The following HEMK2 variants were observed in gnomAD, a reference collection of about 807,000 sequenced individuals.
HEMK2 encodes the protein methyltransferase HEMK2.
the HEMK2 span, among the ~76,000 whole-genome samples, chr21:28,764,960 T>C: frequency 8.5e-5 from 13 of 152,148 alleles, no homozygotes; most frequent in Admixed American, 2.0e-4. Context: ...TGGCATTTAA[T>C]CTCTTGTGTG....
chr21:28,876,678 A>G, the HEMK2 span, among the ~76,000 whole-genome samples: 6 of 152,292 alleles, frequency 3.9e-5, no homozygotes, highest in South Asian at 4.1e-4. Flanking sequence ...TGGTATTTTC[A>G]AAGTGTTGCT....
chr21:28,774,758 A>G, the HEMK2 span, among the ~76,000 whole-genome samples: 5 of 152,196 alleles, frequency 3.3e-5, no homozygotes, highest in African/African-American at 1.2e-4. Context: ...CCTATTTCAA[A>G]TCTATTTTTG....
At chr21:28,604,695 G>T in the HEMK2 span, among the ~76,000 whole-genome samples, 1 of 152,184 alleles carries the variant, frequency 6.6e-6, no homozygotes, top group African/African-American at 2.4e-5. Context: ...ATATGATAAA[G>T]AATATTTTCA....
chr21:28,673,189 G>T, the HEMK2 span, among the ~76,000 whole-genome samples: 1 of 151,392 alleles, frequency 6.6e-6, no homozygotes, highest in Admixed American at 6.6e-5. Flanking sequence ...GGGGAAGGGA[G>T]AGAAAGAAAA....
chr21:28,687,253 A>C, the HEMK2 span, among the ~76,000 whole-genome samples: 2 of 152,236 alleles, frequency 1.3e-5, no homozygotes, highest in East Asian at 3.8e-4. Context: ...AAGCTGAACC[A>C]TGGCAATGGC....
At chr21:28,580,312 G>A in the HEMK2 span, among the ~76,000 whole-genome samples, 1 of 152,140 alleles carries the variant, frequency 6.6e-6, no homozygotes, top group South Asian at 2.1e-4. Flanking sequence ...ACGGGGCCCA[G>A]AGAGTTGGGC....
chr21:28,878,449 G>GA, the HEMK2 span: 1 of 1,131,614 alleles, frequency 8.8e-7, no homozygotes, highest in Non-Finnish European at 1.3e-6. Flanking sequence ...TTTTACTGCT[G>GA]ACGAAGGAGC....
chr21:28,719,121 C>T, the HEMK2 span, among the ~76,000 whole-genome samples: 1 of 152,120 alleles, frequency 6.6e-6, no homozygotes, highest in African/African-American at 2.4e-5. Context: ...CTTTTATGGG[C>T]TCTCATCTTT....
the HEMK2 span, among the ~76,000 whole-genome samples, chr21:28,794,165 T>C: frequency 6.6e-6 from 1 of 152,194 alleles, no homozygotes; most frequent in Non-Finnish European, 1.5e-5. Context: ...AATATACATA[T>C]AAATTCATTG....
the HEMK2 span, among the ~76,000 whole-genome samples, chr21:28,693,429 C>A: frequency 2.0e-5 from 3 of 152,086 alleles, no homozygotes; most frequent in African/African-American, 7.2e-5. Flanking sequence ...TTCAACCTAA[C>A]AAGGATTCAC....
chr21:28,724,622 A>C, the HEMK2 span, among the ~76,000 whole-genome samples: 1 of 152,212 alleles, frequency 6.6e-6, no homozygotes, highest in African/African-American at 2.4e-5. Flanking sequence ...ATAATAACAG[A>C]GCGCCAGCAA....
the HEMK2 span, among the ~76,000 whole-genome samples, chr21:28,638,673 T>C: frequency 6.6e-6 from 1 of 152,192 alleles, no homozygotes; most frequent in Non-Finnish European, 1.5e-5. Flanking sequence ...CAGCTCATTC[T>C]ACCTGGCCCT....
the HEMK2 span, among the ~76,000 whole-genome samples, chr21:28,616,865 T>C: frequency 1.9e-3 from 293 of 152,236 alleles, 1 homozygote; most frequent in African/African-American, 6.8e-3. Flanking sequence ...TGGCAGGCAA[T>C]CAAATAATTG....
At chr21:28,798,876 A>G in the HEMK2 span, among the ~76,000 whole-genome samples, 2 of 152,208 alleles carry the variant, frequency 1.3e-5, no homozygotes, top group African/African-American at 2.4e-5. Context: ...TAGGGCAGTT[A>G]TATCTCCTGC....
the HEMK2 span, among the ~76,000 whole-genome samples, chr21:28,865,444 G>C: frequency 6.6e-6 from 1 of 152,200 alleles, no homozygotes; most frequent in Non-Finnish European, 1.5e-5. Flanking sequence ...TGGGATTACA[G>C]GCGTGAGCCA....
the HEMK2 span, among the ~76,000 whole-genome samples, chr21:28,739,075 A>G: frequency 0.23 from 34,788 of 152,140 alleles, 4,617 homozygotes; most frequent in African/African-American, 0.35. Context: ...TGTACTTAAA[A>G]TGAAACCAAA....
the HEMK2 span, among the ~76,000 whole-genome samples, chr21:28,859,780 G>A: frequency 6.6e-6 from 1 of 151,974 alleles, no homozygotes; most frequent in African/African-American, 2.4e-5. Flanking sequence ...GAAACCTCAG[G>A]CTCACATCCC....
At chr21:28,746,921 G>T in the HEMK2 span, among the ~76,000 whole-genome samples, 11 of 152,316 alleles carry the variant, frequency 7.2e-5, no homozygotes, top group East Asian at 2.1e-3. Flanking sequence ...GGGAAGAGAA[G>T]TTCTTAAAAG....
At chr21:28,661,581 T>C in the HEMK2 span, among the ~76,000 whole-genome samples, 1 of 152,038 alleles carries the variant, frequency 6.6e-6, no homozygotes, top group Non-Finnish European at 1.5e-5. Flanking sequence ...TATATATATG[T>C]TCTCTTTTCT....
Sources: gnomAD v4.1 joint callset for allele counts (sites outside exome capture counted in the v4.1 genomes callset) on GRCh38, gnomAD v4.1.1 for gene constraint, MANE v1.5 for transcripts, NCBI Gene and HGNC (gene_info 2026-07-23, HGNC 2026-07-21) for gene names.